The following SSC4D variants were observed in gnomAD, a reference collection of about 807,000 sequenced individuals.
SSC4D encodes the protein scavenger receptor cysteine-rich domain-containing group B protein.
Under a neutral mutation model 63.4 loss-of-function variants are expected in SSC4D, and 57 were observed. That is an observed-to-expected ratio of 0.90 (90% CI 0.73 to 1.12). The LOEUF (loss-of-function observed/expected upper bound fraction) is 1.12. SSC4D is among the 50% of genes most tolerant of loss of function. The pLI is 0.00. For missense variants in SSC4D, 791 were observed against 806.4 expected (o/e 0.98, Z 0.23); for synonymous variants, 352 against 345.4 (o/e 1.02, Z -0.21).
At chr7:76,407,160 C>T (rs1228346329) in intron 1 of SSC4D, among the ~76,000 whole-genome samples, 1 of 151,998 alleles carries the variant, frequency 6.6e-6, no homozygotes. Flanking sequence ...GGGGTTTCCC[C>T]ATGTTGACCT....
In SSC4D at chr7:76,400,541, T is replaced by C; in HGVS notation, c.220A>G (p.Met74Val). Residue 74 changes from methionine to valine, a missense_variant, in exon 4 of 11, where the codon ATG becomes GTG. Coordinates refer to ENST00000275560, the MANE Select transcript of SSC4D (RefSeq NM_080744.2). ...ACGCTGCCCCAGGAGCCACCGTGCA[T>C]GACTTCCAGGCGGCCCCGGCAGCGG... ...PSRCRGRLEV[M>V]HGGSWGSVCD... The C allele has an allele frequency of 6.4e-7, 1 of 1,551,116 alleles. No individual in the cohort carries two copies. Among genetic ancestry groups the C allele is most frequent in the Non-Finnish European group, 8.7e-7 (1 of 1,146,224 alleles).
chr7:76,399,661 A>G (rs1163448261), intron 4 of SSC4D, among the ~76,000 whole-genome samples: 1 of 151,588 alleles, frequency 6.6e-6, no homozygotes, highest in East Asian at 1.9e-4. Flanking sequence ...TCTGCCTCCC[A>G]AGTAGCTGGG....
chr7:76,389,857 T>C lies in SSC4D; in HGVS notation c.*202A>G. The C allele has an allele frequency of 1.5e-6, 1 of 649,906 alleles. No homozygotes were observed. Among genetic ancestry groups the C allele is most frequent in the Non-Finnish European group, 2.6e-6 (1 of 383,774 alleles). The allele number at this position is 649,906 out of a possible 1,614,324, so 40.3% of individuals were successfully genotyped here. Reference sequence around the variant, plus strand: ...ACTGAATTGGGCTCACAACAGTCGATGACAGGCTGAGGTCACGCAGTAAGT... The same window carrying C: ...ACTGAATTGGGCTCACAACAGTCGACGACAGGCTGAGGTCACGCAGTAAGT... On this transcript the variant is annotated 3_prime_UTR_variant, in exon 11 of 11. Transcript: ENST00000275560.
Position 76,392,025 on chromosome 7 carries a change from T to A in SSC4D, c.1350A>T (p.Gly450=), listed in dbSNP as rs1403131316. The A allele has an allele frequency of 6.3e-7, 1 of 1,577,560 alleles. No homozygotes were observed. Among genetic ancestry groups the A allele is most frequent in the African/African-American group, 1.3e-5 (1 of 74,206 alleles). ...GALCAGPEEL[G]LQVQQDGSET... ...CAGAACCATCCTGCTGGACTTGCAG[T>A]CCCAGCTCCTCTGGGCCTGGTTCAG... The change falls in exon 10 of 11, where the codon GGA becomes GGT. Residue 450 remains glycine (G), a synonymous_variant. Coordinates refer to ENST00000275560, the MANE Select transcript of SSC4D (RefSeq NM_080744.2).
At chr7:76,404,603 G>T in intron 1 of SSC4D, 98 bp from the exon 2 acceptor site, 1 of 953,068 alleles carries the variant, frequency 1.0e-6, no homozygotes, top group Non-Finnish European at 1.6e-6. Context: ...ATCAGCCTGG[G>T]CAACATAGTG....
At chr7:76,401,701 G>A (rs189164125) in intron 2 of SSC4D, among the ~76,000 whole-genome samples, 24 of 152,306 alleles carry the variant, frequency 1.6e-4, no homozygotes, top group Non-Finnish European at 3.1e-4. Flanking sequence ...ATAGGTGTGA[G>A]CCAACACACC....
At chr7:76,395,392 G>T in intron 6 of SSC4D, 62 bp from the exon 7 acceptor site, 1 of 1,534,404 alleles carries the variant, frequency 6.5e-7, no homozygotes, top group Non-Finnish European at 9.0e-7. Flanking sequence ...GTCAGCCATG[G>T]GCTGTCAGGG....
chr7:76,400,006 A>G (rs990054150), intron 4 of SSC4D, among the ~76,000 whole-genome samples: 1 of 152,150 alleles, frequency 6.6e-6, no homozygotes, highest in African/African-American at 2.4e-5. Context: ...TCTCTAAAAA[A>G]ATTTTTTTTA....
intron 1 of SSC4D, among the ~76,000 whole-genome samples, chr7:76,407,363 G>A (rs570747668): frequency 3.2e-4 from 47 of 147,856 alleles, no homozygotes; most frequent in African/African-American, 1.1e-3. Context: ...ACAGAGTCTC[G>A]CCTTGTCGCC....
intron 6 of SSC4D, among the ~76,000 whole-genome samples, chr7:76,396,524 A>T (rs947990213): frequency 6.6e-6 from 1 of 152,206 alleles, no homozygotes; most frequent in Non-Finnish European, 1.5e-5. Context: ...GCTGCTGTGC[A>T]TTGCCGCGTC....
chr7:76,404,549 T>C (rs1404307205), intron 1 of SSC4D, 44 bp from the exon 2 acceptor site: 2 of 1,553,126 alleles, frequency 1.3e-6, no homozygotes, highest in East Asian at 2.3e-5. Flanking sequence ...CCCAGCACTT[T>C]GGGAGGCCGA....
chr7:76,402,538 C>T (rs1026341940), intron 2 of SSC4D, among the ~76,000 whole-genome samples: 13 of 151,780 alleles, frequency 8.6e-5, no homozygotes, highest in Admixed American at 7.9e-4. Flanking sequence ...AGGCTGGTCT[C>T]GAACTCTTGG....
chr7:76,408,308 GC>G (rs1303691376), intron 1 of SSC4D, among the ~76,000 whole-genome samples: 1 of 152,158 alleles, frequency 6.6e-6, no homozygotes, highest in African/African-American at 2.4e-5. Flanking sequence ...GCCCAGGACA[GC>G]CCCCAGTGGA....
intron 9 of SSC4D, 24 bp downstream of exon 9, chr7:76,393,381 C>A: frequency 7.5e-7 from 1 of 1,331,722 alleles, no homozygotes; most frequent in Non-Finnish European, 9.6e-7. Flanking sequence ...CCGCTGTCAG[C>A]CTCACCTTCG....
At chr7:76,390,600 G>A (rs1804475342) in intron 10 of SSC4D, among the ~76,000 whole-genome samples, 1 of 151,946 alleles carries the variant, frequency 6.6e-6, no homozygotes, top group Middle Eastern at 3.4e-3. Context: ...GGCGGATCAC[G>A]AGATTAGGAG....
chr7:76,393,733 C>T lies in SSC4D; in HGVS notation c.1022-17G>A, dbSNP rs1804560047. 7.1e-7 allele frequency: 1 copy of T among 1,413,930 alleles called. No individual in the cohort carries two copies. Among genetic ancestry groups the T allele is most frequent in the South Asian group, 1.5e-5 (1 of 64,692 alleles). The allele number at this position is 1,413,930 out of a possible 1,614,324, so 87.6% of individuals were successfully genotyped here. On this transcript the variant is annotated splice_polypyrimidine_tract_variant and intron_variant, in intron 8 of 10. Transcript: ENST00000275560. ...GCCGTCCACCTGCGGGGCGCACAGG[C>T]CCGCGGCCAGAGGGGCTGGGCTGGG... is the stretch of plus-strand genomic sequence containing the variant.
chr7:76,397,545 G>T lies in SSC4D; in HGVS notation c.841C>A (p.His281Asn). Residue 281 changes from histidine to asparagine, a missense_variant, in exon 6 of 11, where the codon CAC becomes AAC. By Grantham distance (68) the His-to-Asn change is moderately conservative. Coordinates refer to ENST00000275560, the MANE Select transcript of SSC4D (RefSeq NM_080744.2). ...GCGCAGAGCGCGCCCGCGTCCTCGT[G>T]GTGGCCGCAGTTGTGCACACCCCAG... is the stretch of plus-strand genomic sequence containing the variant. Reference protein sequence around the residue: ...LGWGVHNCGHHEDAGALCAGL... With the variant: ...LGWGVHNCGHNEDAGALCAGL... 1 of 1,589,666 alleles carries T rather than the reference G, an allele frequency of 6.3e-7. No individual in the cohort carries two copies. Among genetic ancestry groups the T allele is most frequent in the South Asian group, 1.1e-5 (1 of 88,982 alleles).
At chr7:76,393,072 G>T (rs1220716429) in intron 9 of SSC4D, among the ~76,000 whole-genome samples, 1 of 152,192 alleles carries the variant, frequency 6.6e-6, no homozygotes, top group African/African-American at 2.4e-5. Context: ...GATTTAGCCG[G>T]GAGCAAACGG....
intron 5 of SSC4D, among the ~76,000 whole-genome samples, chr7:76,398,414 C>T (rs1357914687): frequency 2.0e-5 from 3 of 151,800 alleles, no homozygotes; most frequent in Non-Finnish European, 4.4e-5. Flanking sequence ...AAGTGATCCC[C>T]CTGCCTCAGC....
Sources: allele counts gnomAD v4.1 joint callset (sites outside exome capture counted in the v4.1 genomes callset), GRCh38; gene constraint gnomAD v4.1.1; transcripts MANE v1.5; gene names NCBI Gene and HGNC (gene_info 2026-07-23, HGNC 2026-07-21).